MYT1L: variants seen among roughly 807,000 people sequenced by gnomAD.
MYT1L encodes myelin transcription factor 1-like protein.
MYT1L carries 12 observed loss-of-function variants against 126.7 expected under a neutral mutation model. The observed-to-expected ratio is 0.09, with a 90% confidence interval of 0.06 to 0.15. The LOEUF is 0.15. MYT1L is among the 10% of genes least tolerant of loss of function. The pLI is 1.00. For synonymous variants in MYT1L, 541 were observed against 604.2 expected, an observed-to-expected ratio of 0.90 and a Z score of 1.53; for missense variants, 979 against 1,585.2, an observed-to-expected ratio of 0.62 and a Z score of 6.49.
At chr2:1,914,270 G>A (rs376149629) in intron 11 of MYT1L, among the ~76,000 whole-genome samples, 5 of 151,598 alleles carry the variant, frequency 3.3e-5, no homozygotes, top group South Asian at 2.1e-4. Flanking sequence ...AAACAAAAAC[G>A]AAAACAAAAA....
chr2:1,908,654 G>A (rs941692080), intron 13 of MYT1L, among the ~76,000 whole-genome samples: 3 of 152,214 alleles, frequency 2.0e-5, no homozygotes, highest in African/African-American at 7.2e-5. Flanking sequence ...GCAGCCCCGC[G>A]GGTTGGTCTG....
intron 1 of MYT1L, among the ~76,000 whole-genome samples, chr2:2,309,601 C>A (rs1644238983): frequency 1.3e-5 from 2 of 150,760 alleles, no homozygotes; most frequent in Non-Finnish European, 3.0e-5. Context: ...CTTCAGTGTA[C>A]TCTATCATCT....
At chr2:2,243,638 C>T (rs1436435281) in intron 2 of MYT1L, among the ~76,000 whole-genome samples, 1 of 152,106 alleles carries the variant, frequency 6.6e-6, no homozygotes, top group Non-Finnish European at 1.5e-5. Flanking sequence ...GCTGGGAAGC[C>T]ACATGTTGCA....
intron 13 of MYT1L, among the ~76,000 whole-genome samples, chr2:1,908,010 C>A (rs1033480320): frequency 6.6e-6 from 1 of 152,224 alleles, no homozygotes; most frequent in Non-Finnish European, 1.5e-5. Context: ...CCCGAGACCT[C>A]GCACTGCAGT....
intron 4 of MYT1L, among the ~76,000 whole-genome samples, chr2:2,014,236 T>C (rs73190459): frequency 2.0e-5 from 3 of 150,510 alleles, no homozygotes; most frequent in African/African-American, 7.3e-5. Context: ...AGAGTTCCAC[T>C]GCCTCTATCT....
At chr2:2,076,222 G>C (rs1479955515) in intron 3 of MYT1L, among the ~76,000 whole-genome samples, 1 of 152,054 alleles carries the variant, frequency 6.6e-6, no homozygotes, top group Non-Finnish European at 1.5e-5. Context: ...CACACTCTTG[G>C]GAATCTACAA....
At chr2:2,042,167 G>A (rs921602140) in intron 4 of MYT1L, among the ~76,000 whole-genome samples, 1 of 152,186 alleles carries the variant, frequency 6.6e-6, no homozygotes, top group Non-Finnish European at 1.5e-5. Context: ...GCTCTAAGAT[G>A]GACTCTGTCT....
intron 5 of MYT1L, among the ~76,000 whole-genome samples, chr2:1,986,203 T>C (rs897021662): frequency 2.6e-5 from 4 of 152,192 alleles, no homozygotes; most frequent in Non-Finnish European, 5.9e-5. Context: ...ATTACAGTTT[T>C]AAAAAATTCT....
At chr2:2,229,414 T>C (rs1201968742) in intron 2 of MYT1L, among the ~76,000 whole-genome samples, 1 of 152,114 alleles carries the variant, frequency 6.6e-6, no homozygotes, top group Non-Finnish European at 1.5e-5. Flanking sequence ...TGAACACTTA[T>C]AAAGATAGTC....
At position 1,916,000 on chromosome 2, in the gene MYT1L, T is replaced by C. The variant is rs139968314; in HGVS notation, c.1618+1205A>G. 2.7e-3 allele frequency among the ~76,000 whole-genome samples: 410 copies of C among 152,280 alleles called. 13 individuals carry two copies. Among genetic ancestry groups the C allele is most frequent in the East Asian group, 0.013 (65 of 5,178 alleles). ...GTGTGTGCTGGGTACATGGAAGCTGTTGTCAAACCATGCTGTCTTCCTGCT... is the reference window on the plus strand; with the variant it reads ...GTGTGTGCTGGGTACATGGAAGCTGCTGTCAAACCATGCTGTCTTCCTGCT... On this transcript the variant is annotated intron_variant, in intron 11 of 24. Coordinates refer to ENST00000647738, the MANE Select transcript of MYT1L (RefSeq NM_001303052.2).
intron 2 of MYT1L, among the ~76,000 whole-genome samples, chr2:2,267,266 C>T (rs1028081353): frequency 2.0e-5 from 3 of 152,170 alleles, no homozygotes; most frequent in East Asian, 1.9e-4. Flanking sequence ...ACTTTGGCCT[C>T]GCAGTCTCCC....
At chr2:2,029,745 G>A (rs1361522318) in intron 4 of MYT1L, among the ~76,000 whole-genome samples, 9 of 152,156 alleles carry the variant, frequency 5.9e-5, no homozygotes, top group Non-Finnish European at 1.2e-4. Context: ...TATATTCAAT[G>A]TTACCTTCAA....
rs1166160158 is a variant in MYT1L, at chr2:1,828,199, G to A, written c.3080+10950C>T. 4 of 152,144 alleles carry A rather than the reference G, an allele frequency of 2.6e-5. No homozygotes were observed. In the East Asian group the frequency reaches 5.8e-4, roughly 22 times the overall value. The allele number at this position is 152,144 out of a possible 1,614,324, so 9.4% of individuals were successfully genotyped here. A position where few individuals can be genotyped will look rare whatever the true frequency, so the allele number is the denominator to read the frequency against. On this transcript the variant is annotated intron_variant, in intron 21 of 24. Transcript: ENST00000647738. ...CTCAGCACCACAGAGAGGCAAGAGA[G>A]CATGCAGGCGTCCTGTTTGGGATCA...
chr2:1,980,824 T>A lies in MYT1L; in HGVS notation c.1-1047A>T, dbSNP rs552894467. On this transcript the variant is annotated intron_variant, in intron 5 of 24. Transcript: ENST00000647738. Reference sequence around the variant, plus strand: ...GTTTGTTCACCAAACATTCCCACAGTATGGGAAGTGTTTGCACATGGCAAA... The same window carrying A: ...GTTTGTTCACCAAACATTCCCACAGAATGGGAAGTGTTTGCACATGGCAAA... 1.7e-4 allele frequency among the ~76,000 whole-genome samples: 26 copies of A among 152,034 alleles called. No individual in the cohort carries two copies. The South Asian group carries it at 5.2e-3, about 30-fold the overall frequency.
chr2:1,812,442 A>C (rs1339233817), intron 21 of MYT1L, among the ~76,000 whole-genome samples: 4 of 152,186 alleles, frequency 2.6e-5, no homozygotes, highest in Non-Finnish European at 5.9e-5. Flanking sequence ...CGACTTCTGA[A>C]AGCATAAAAT....
chr2:1,898,418 A>T (rs2049899330), intron 14 of MYT1L, among the ~76,000 whole-genome samples: 1 of 152,210 alleles, frequency 6.6e-6, no homozygotes. Context: ...AGCCTGTGGG[A>T]TGACATCTCC....
At chr2:1,883,566 T>C (rs146240313) in intron 18 of MYT1L, among the ~76,000 whole-genome samples, 58 of 152,248 alleles carry the variant, frequency 3.8e-4, no homozygotes, top group African/African-American at 1.2e-3. Context: ...TTTGCACAAA[T>C]GTATTCTTTT....
chr2:2,316,588 AG>A, intron 1 of MYT1L, among the ~76,000 whole-genome samples: 1 of 152,358 alleles, frequency 6.6e-6, no homozygotes, highest in Non-Finnish European at 1.5e-5. Flanking sequence ...GTGGTTCGAG[AG>A]AAACCAAGTA....
intron 4 of MYT1L, among the ~76,000 whole-genome samples, chr2:2,026,392 G>A (rs749460546): frequency 3.3e-5 from 5 of 152,152 alleles, no homozygotes; most frequent in Non-Finnish European, 7.4e-5. Context: ...GGAGGGTCTG[G>A]GTTGCGAGCT....
Sources: gnomAD v4.1 joint callset for allele counts (sites outside exome capture counted in the v4.1 genomes callset) on GRCh38, gnomAD v4.1.1 for gene constraint, MANE v1.5 for transcripts, NCBI Gene and HGNC (gene_info 2026-07-23, HGNC 2026-07-21) for gene names.